HDAC9: variants seen among roughly 807,000 people sequenced by gnomAD.
HDAC9 encodes the protein MEF-2 interacting transcription repressor (MITR) protein.
A neutral mutation model predicts 139.4 loss-of-function variants in HDAC9; 41 were observed. That is an observed-to-expected ratio of 0.29 (90% CI 0.23 to 0.38). The LOEUF (loss-of-function observed/expected upper bound fraction) is 0.38, where lower values mean the gene tolerates loss of function less well. Ranked by LOEUF, HDAC9 falls within the 10% of genes least tolerant of loss-of-function variation. The probability of loss-of-function intolerance (pLI) is 1.00; values close to 1 mark genes in which losing one functional copy is unlikely to be tolerated. For synonymous variants in HDAC9, 517 were observed against 476.2 expected (o/e 1.09, Z -1.12); for missense variants, 1,147 against 1,297.0 (o/e 0.88, Z 1.78).
chr7:18,550,930 T>C (rs549470733), intron 2 of HDAC9, among the ~76,000 whole-genome samples: 1 of 152,280 alleles, frequency 6.6e-6, no homozygotes, highest in South Asian at 2.1e-4. Flanking sequence ...CAATTATAGT[T>C]TAGGACCCTA....
At chr7:18,671,952 T>C (rs1795700541) in intron 12 of HDAC9, among the ~76,000 whole-genome samples, 1 of 152,108 alleles carries the variant, frequency 6.6e-6, no homozygotes, top group Non-Finnish European at 1.5e-5. Flanking sequence ...ATTTTGCTTA[T>C]TCATTCATCA....
At chr7:18,925,052 A>G (rs1040978299) in intron 22 of HDAC9, among the ~76,000 whole-genome samples, 1 of 152,150 alleles carries the variant, frequency 6.6e-6, no homozygotes, top group Admixed American at 6.6e-5. Context: ...AAAAAATAGC[A>G]AAAAAATCGA....
intron 1 of HDAC9, among the ~76,000 whole-genome samples, chr7:18,452,968 A>C (rs979114338): frequency 6.6e-6 from 1 of 152,228 alleles, no homozygotes; most frequent in African/African-American, 2.4e-5. Flanking sequence ...AGGATGCTCT[A>C]TCAAGGAAAC....
At chr7:18,116,781 A>T (rs1784018287) in intron 1 of HDAC9, among the ~76,000 whole-genome samples, 1 of 152,120 alleles carries the variant, frequency 6.6e-6, no homozygotes, top group Non-Finnish European at 1.5e-5. Flanking sequence ...AAGATCTGTG[A>T]CTTCTATCTT....
chr7:18,425,429 A>G (rs951378516), intron 1 of HDAC9, among the ~76,000 whole-genome samples: 1 of 152,196 alleles, frequency 6.6e-6, no homozygotes, highest in African/African-American at 2.4e-5. Flanking sequence ...ACATTTTCCC[A>G]TTCACAGCTG....
At chr7:18,284,797 G>C (rs1359289319) in intron 2 of HDAC9, among the ~76,000 whole-genome samples, 1 of 152,030 alleles carries the variant, frequency 6.6e-6, no homozygotes, top group Non-Finnish European at 1.5e-5. Context: ...TTCTTCATTT[G>C]ATTTAAATCC....
At chr7:18,097,203 C>A (rs1280348139) in intron 1 of HDAC9, among the ~76,000 whole-genome samples, 2 of 152,154 alleles carry the variant, frequency 1.3e-5, no homozygotes, top group Non-Finnish European at 2.9e-5. Flanking sequence ...TATTTGCTCT[C>A]ATATCTAACA....
intron 2 of HDAC9, among the ~76,000 whole-genome samples, chr7:18,246,893 G>A (rs1317011975): frequency 6.6e-6 from 1 of 152,068 alleles, no homozygotes; most frequent in African/African-American, 2.4e-5. Context: ...GTGCTAGAAG[G>A]AATTGAATTT....
intron 2 of HDAC9, among the ~76,000 whole-genome samples, chr7:18,225,238 A>C (rs1385770560): frequency 6.6e-6 from 1 of 152,198 alleles, no homozygotes; most frequent in African/African-American, 2.4e-5. Flanking sequence ...ATCCTTATAT[A>C]GGTAAAGAGA....
chr7:18,122,096 T>C (rs555019833), intron 1 of HDAC9, among the ~76,000 whole-genome samples: 1 of 152,320 alleles, frequency 6.6e-6, no homozygotes, highest in South Asian at 2.1e-4. Flanking sequence ...ACAGTAATTA[T>C]AGTATTGAAA....
intron 25 of HDAC9, among the ~76,000 whole-genome samples, chr7:18,980,715 C>CCT (rs1784861661): frequency 7.5e-6 from 1 of 133,466 alleles, no homozygotes. Flanking sequence ...TTCCTTCTTC[C>CCT]TCTTCTTCTT....
Position 18,114,599 on chromosome 7 carries a change from C to G in HDAC9, c.-97+27386C>G, listed in dbSNP as rs892566047. On this transcript the variant is annotated intron_variant, in intron 1 of 12. Transcript: ENST00000417496. Reference sequence around the variant, plus strand: ...TAATAAGTGAAGACCTGACACAATTCCTTCTGGCGGAGAGGATCCATTCTT... The same window carrying G: ...TAATAAGTGAAGACCTGACACAATTGCTTCTGGCGGAGAGGATCCATTCTT... Among the ~76,000 whole-genome samples the G allele has an allele frequency of 3.3e-5, 5 of 152,312 alleles. No homozygotes were observed. The South Asian group carries it at 1.0e-3, about 32-fold the overall frequency.
chr7:18,452,741 C>T (rs1257972578), intron 1 of HDAC9, among the ~76,000 whole-genome samples: 2 of 152,104 alleles, frequency 1.3e-5, no homozygotes, highest in Non-Finnish European at 2.9e-5. Context: ...CAGGGCAGTT[C>T]CCCTGCACAT....
chr7:18,157,904 T>G (rs531565694), intron 1 of HDAC9, among the ~76,000 whole-genome samples: 1 of 148,756 alleles, frequency 6.7e-6, no homozygotes, highest in South Asian at 2.2e-4. Context: ...CAGTAAGCAT[T>G]TCCCACCAAT....
At chr7:18,203,931 C>T (rs1207856737) in intron 2 of HDAC9, among the ~76,000 whole-genome samples, 1 of 152,118 alleles carries the variant, frequency 6.6e-6, no homozygotes, top group African/African-American at 2.4e-5. Flanking sequence ...AGGGGATAGC[C>T]TACCTTTTCT....
At chr7:18,541,236 C>T (rs1278884284) in intron 2 of HDAC9, among the ~76,000 whole-genome samples, 2 of 134,978 alleles carry the variant, frequency 1.5e-5, no homozygotes, top group African/African-American at 5.4e-5. Flanking sequence ...CCATGCCTTC[C>T]AGTTGGCACC....
chr7:18,441,260 A>T (rs1372971876), intron 1 of HDAC9, among the ~76,000 whole-genome samples: 1 of 152,058 alleles, frequency 6.6e-6, no homozygotes, highest in Non-Finnish European at 1.5e-5. Context: ...TTTTTTAAAG[A>T]AAAAAAAGTA....
chr7:18,931,226 T>C lies in HDAC9; in HGVS notation c.2804-4583T>C, dbSNP rs935962980. On this transcript the variant is annotated intron_variant, in intron 22 of 25. Coordinates refer to ENST00000686413, the MANE Select transcript of HDAC9 (RefSeq NM_178425.4). ...TTAATCTTGGCTCAGGGAAAGAACA[T>C]TTCTAAGCATTAGGGATCAAAATTT... Among the ~76,000 whole-genome samples, 24 of 152,224 alleles carry C rather than the reference T, an allele frequency of 1.6e-4. No individual in the cohort carries two copies. The East Asian group carries it at 4.3e-3, about 27-fold the overall frequency.
chr7:18,651,843 A>C (rs1045313479), intron 11 of HDAC9, among the ~76,000 whole-genome samples: 5 of 152,110 alleles, frequency 3.3e-5, no homozygotes, highest in African/African-American at 4.8e-5. Flanking sequence ...GCTTAGCAGA[A>C]ATATCCCTGG....
Sources: gnomAD v4.1 joint callset for allele counts (sites outside exome capture counted in the v4.1 genomes callset) on GRCh38, gnomAD v4.1.1 for gene constraint, MANE v1.5 for transcripts, NCBI Gene and HGNC (gene_info 2026-07-23, HGNC 2026-07-21) for gene names.